The following NRXN2 variants were observed in gnomAD, a reference collection of about 807,000 sequenced individuals.
NRXN2 encodes the protein neurexin-2-beta.
In NRXN2, 29 loss-of-function variants were observed where a neutral mutation model predicts 128.8. The observed-to-expected ratio is 0.23, with a 90% CI of 0.17 to 0.31. The LOEUF (loss-of-function observed/expected upper bound fraction) is 0.31, where lower values mean the gene tolerates loss of function less well. Among genes scored for constraint, NRXN2 ranks in the 10% least tolerant of loss-of-function variants. The pLI is 1.00. For synonymous variants in NRXN2, 1,098 were observed against 1,075.2 expected (o/e 1.02, Z -0.41); for missense variants, 1,881 against 2,452.6 (o/e 0.77, Z 4.92).
intron 20 of NRXN2, chr11:64,624,005 T>C (rs1458127411): frequency 1.3e-5 from 2 of 152,174 alleles, no homozygotes; most frequent in African/African-American, 2.4e-5. Context: ...AAGATGTTTA[T>C]TATGTTTAAG....
At chr11:64,617,842 C>G (rs2041773628) in intron 22 of NRXN2, among the ~76,000 whole-genome samples, 1 of 152,318 alleles carries the variant, frequency 6.6e-6, no homozygotes, top group Non-Finnish European at 1.5e-5. Context: ...ATCGTTAAAC[C>G]TTTCACAGTG....
rs761307555 is a variant in NRXN2, at chr11:64,607,813, T to TG, written c.4521dup (p.Thr1508HisfsTer82). 8.7e-6 allele frequency: 14 copies of TG among 1,600,004 alleles called. No individual in the cohort carries two copies. The highest frequency in any genetic ancestry group is 2.3e-5 in the East Asian group (1 of 44,006). ...GTGGTGTAAAAGTCCTCGTCGTCCG[T>TG]GGGGGGGAGGCTGGAGTCAAAGACC... On this transcript the variant is annotated frameshift_variant, in exon 23 of 23. Coordinates refer to ENST00000265459, the MANE Select transcript of NRXN2 (RefSeq NM_015080.4). LOFTEE classifies it low-confidence loss of function (END_TRUNC).
At chr11:64,705,191 C>T (rs1016153062) in intron 2 of NRXN2, among the ~76,000 whole-genome samples, 14 of 152,168 alleles carry the variant, frequency 9.2e-5, no homozygotes, top group African/African-American at 3.1e-4. Context: ...CTAAATAGCC[C>T]AAATAAACCA....
chr11:64,707,557 T>C (rs995091797), intron 2 of NRXN2, among the ~76,000 whole-genome samples: 4 of 152,186 alleles, frequency 2.6e-5, no homozygotes, highest in Admixed American at 1.3e-4. Flanking sequence ...ATTGTGCTGT[T>C]TTTTTGCTAC....
intron 5 of NRXN2, chr11:64,688,234 TG>T: frequency 1.1e-6 from 1 of 946,676 alleles, no homozygotes; most frequent in Non-Finnish European, 1.3e-6. Flanking sequence ...TCTCCTGGGG[TG>T]GGTGGCAAAG....
chr11:64,660,823 A>C lies in NRXN2; in HGVS notation c.2115T>G (p.Cys705Trp). The C allele has an allele frequency of 1.2e-6, 2 of 1,614,056 alleles. No homozygotes were observed. Among genetic ancestry groups the C allele is most frequent in the Non-Finnish European group, 1.7e-6 (2 of 1,180,006 alleles). ...ASAPCRNGGVCREGWNRFICD... is the reference protein window; with the variant it reads ...ASAPCRNGGVWREGWNRFICD... ...AGATGAAGCGGTTCCAGCCTTCTCG[A>C]CAGACGCCCCCATTGCGACAGGGGG... The change falls in exon 10 of 23, where the codon TGT becomes TGG. Residue 705 changes from cysteine (C) to tryptophan (W), a missense_variant. Cys to Trp is a radical substitution (Grantham distance 215). This residue lies in a region of NRXN2 where 997 missense variants were observed against 1,240.8 expected (regional missense o/e 0.80). Coordinates refer to ENST00000265459, the MANE Select transcript of NRXN2 (RefSeq NM_015080.4). This position sits in a 1 kb window ranked among gnomAD's most constrained non-coding sequence, Gnocchi z 5.2.
Position 64,660,986 on chromosome 11 carries a change from C to G in NRXN2, c.1952G>C (p.Arg651Pro). The change falls in exon 10 of 23, where the codon CGG becomes CCG. Residue 651 changes from arginine to proline, a missense_variant. This residue lies in a region of NRXN2 where 997 missense variants were observed against 1,240.8 expected (regional missense o/e 0.80). Transcript: ENST00000265459. This position sits in a 1 kb window ranked among gnomAD's most constrained non-coding sequence, Gnocchi z 5.2. Reference protein sequence around the residue: ...LPPEVWTAALRAGYVGCVRDL... With the variant: ...LPPEVWTAALPAGYVGCVRDL... ...CCGCACACAGCCCACGTAGCCTGCCCGGAGTGCTGCTGTCCACACCTCTGG... is the reference window on the plus strand; with the variant it reads ...CCGCACACAGCCCACGTAGCCTGCCGGGAGTGCTGCTGTCCACACCTCTGG... The G allele has an allele frequency of 6.2e-7, 1 of 1,613,806 alleles. No homozygotes were observed.
intron 4 of NRXN2, 50 bp downstream of exon 4, chr11:64,692,791 CCAGGCG>C: frequency 6.2e-7 from 1 of 1,606,954 alleles, no homozygotes; most frequent in South Asian, 1.1e-5. Flanking sequence ...AACAGAAAAT[CCAGGCG>C]CAGGTTGGGG....
rs145664677 is a variant in NRXN2 at position 64,714,829 on chromosome 11, A to T, written c.-244-886T>A. ...GCCTTTCTGAAATGATTACCCTTGT[A>T]ACGGGCTGTCAGAGAGCAATTTATA... On this transcript the variant is annotated intron_variant, in intron 1 of 22. Coordinates refer to ENST00000265459, the MANE Select transcript of NRXN2 (RefSeq NM_015080.4). The surrounding 1 kb of genome is among the most constrained non-coding windows in gnomAD (Gnocchi z 4.5). Among the ~76,000 whole-genome samples, 457 of 152,234 alleles carry T rather than the reference A, an allele frequency of 3.0e-3. 2 individuals are homozygous for T. Among genetic ancestry groups the T allele is most frequent in the African/African-American group, 1.0e-2 (414 of 41,538 alleles).
intron 20 of NRXN2, among the ~76,000 whole-genome samples, chr11:64,624,796 T>C (rs2042866188): frequency 6.6e-6 from 1 of 152,228 alleles, no homozygotes; most frequent in South Asian, 2.1e-4. Context: ...TCACAGGACA[T>C]GCTTTGGAAC....
chr11:64,720,905 G>A (rs1358469676), intron 1 of NRXN2, among the ~76,000 whole-genome samples: 1 of 152,160 alleles, frequency 6.6e-6, no homozygotes, highest in Admixed American at 6.5e-5. Context: ...AGGTGTGCCT[G>A]CGATGGCTGT....
At chr11:64,629,410 G>A (rs973231997) in intron 19 of NRXN2, among the ~76,000 whole-genome samples, 6 of 152,128 alleles carry the variant, frequency 3.9e-5, no homozygotes, top group African/African-American at 1.4e-4. Flanking sequence ...GGGCCTGCAT[G>A]TCAGCATCTC....
In NRXN2 at chr11:64,667,600, G is replaced by A; in HGVS notation, c.1448C>T (p.Ser483Leu). 1 of 1,614,240 alleles carries A rather than the reference G, an allele frequency of 6.2e-7. No homozygotes were observed. Among genetic ancestry groups the A allele is most frequent in the Non-Finnish European group, 8.5e-7 (1 of 1,180,040 alleles). ...GGCAGCCACATCCTCACAGCGGAAT[G>A]ACAAGTCCCCCTGCAGCTTCATCTT... Reference protein sequence around the residue: ...DPKMKLQGDLSFRCEDVAALD... With the variant: ...DPKMKLQGDLLFRCEDVAALD... The change falls in exon 9 of 23, where the codon TCA becomes TTA. Residue 483 changes from serine to leucine, a missense_variant. Around this residue, in one of 7 missense-constraint regions of NRXN2, gnomAD observed 997 missense variants for 1,240.8 expected, o/e 0.80. Coordinates refer to ENST00000265459, the MANE Select transcript of NRXN2 (RefSeq NM_015080.4). The surrounding 1 kb of genome is among the most constrained non-coding windows in gnomAD (Gnocchi z 5.6).
At chr11:64,626,645 T>C in intron 19 of NRXN2, 93 bp from the exon 20 acceptor site, 1 of 907,370 alleles carries the variant, frequency 1.1e-6, no homozygotes, top group Non-Finnish European at 1.8e-6. Flanking sequence ...AGACTCAGAG[T>C]AAGCAGCAAC....
chr11:64,639,381 A>G (rs1285245531), intron 17 of NRXN2, among the ~76,000 whole-genome samples: 2 of 152,100 alleles, frequency 1.3e-5, no homozygotes, highest in Non-Finnish European at 2.9e-5. Flanking sequence ...AACAAAATAA[A>G]TGCTAGCCCC....
chr11:64,697,911 C>T lies in NRXN2; in HGVS notation c.731-119G>A, dbSNP rs576864311. 7.7e-4 allele frequency: 910 copies of T among 1,184,842 alleles called. 2 individuals carry two copies. The highest frequency in any genetic ancestry group is 1.1e-3 in the Admixed American group (59 of 51,592). The allele number at this position is 1,184,842 out of a possible 1,614,324, so 73.4% of individuals were successfully genotyped here. On this transcript the variant is annotated intron_variant, in intron 2 of 22. Transcript: ENST00000265459. ...AGAGAGGAGTCCAAGCCCACCCAGGCCCTGACATGAGTCACCCAATGTGGA... is the reference window on the plus strand; with the variant it reads ...AGAGAGGAGTCCAAGCCCACCCAGGTCCTGACATGAGTCACCCAATGTGGA...
At chr11:64,693,281 G>T (rs902613575) in intron 3 of NRXN2, among the ~76,000 whole-genome samples, 1 of 151,030 alleles carries the variant, frequency 6.6e-6, no homozygotes, top group African/African-American at 2.4e-5. Context: ...GAAGCATTAG[G>T]CTAGGAGGGT....
chr11:64,688,519 G>A (rs1405758090), intron 5 of NRXN2: 1 of 985,230 alleles, frequency 1.0e-6, no homozygotes, highest in Non-Finnish European at 1.2e-6. Flanking sequence ...GGCGGCGGAG[G>A]GGCTCAGCAG....
At chr11:64,684,599 G>A (rs1345265684) in intron 6 of NRXN2, among the ~76,000 whole-genome samples, 1 of 152,098 alleles carries the variant, frequency 6.6e-6, no homozygotes, top group Admixed American at 6.5e-5. Flanking sequence ...ATGAGAACAG[G>A]TAGGAAGAGT....
Sources: gnomAD v4.1 joint callset for allele counts (sites outside exome capture counted in the v4.1 genomes callset) on GRCh38, gnomAD v4.1.1 for gene constraint, gnomAD v4.1.1 regional missense constraint, Gnocchi (gnomAD v3.1) non-coding constraint, MANE v1.5 for transcripts, NCBI Gene and HGNC (gene_info 2026-07-23, HGNC 2026-07-21) for gene names.